Variants in UCHL3 observed in about 807,000 individuals in gnomAD.
UCHL3 encodes the protein ubiquitin carboxyl-terminal hydrolase isozyme L3.
Under a neutral mutation model 35.8 loss-of-function variants are expected in UCHL3, and 22 were observed. The observed-to-expected ratio is 0.61, with a 90% CI of 0.44 to 0.88. The LOEUF (loss-of-function observed/expected upper bound fraction) is 0.88, where lower values mean the gene tolerates loss of function less well. Ranked by LOEUF, UCHL3 falls within the 40% of genes least tolerant of loss-of-function variation. The probability of loss-of-function intolerance (pLI) is 0.00; values close to 1 mark genes in which losing one functional copy is unlikely to be tolerated. For missense variants in UCHL3, 229 were observed against 276.9 expected, an observed-to-expected ratio of 0.83 and a Z score of 1.23; for synonymous variants, 90 against 92.8, an observed-to-expected ratio of 0.97 and a Z score of 0.17.
intron 3 of UCHL3, among the ~76,000 whole-genome samples, chr13:75,562,822 A>G (rs764247200): frequency 6.6e-5 from 10 of 152,212 alleles, no homozygotes; most frequent in South Asian, 2.1e-4. Context: ...TTGTACTTAC[A>G]TAAGTAGAAA....
intron 3 of UCHL3, among the ~76,000 whole-genome samples, chr13:75,565,866 T>G (rs1459811244): frequency 6.6e-6 from 1 of 152,222 alleles, no homozygotes; most frequent in African/African-American, 2.4e-5. Context: ...ATTAAATAAT[T>G]TGCTAAAGTC....
upstream of UCHL3, chr13:75,549,657 G>A (rs2030998074): frequency 1.0e-5 from 7 of 692,462 alleles, no homozygotes; most frequent in Admixed American, 2.4e-4. Context: ...GCCCTGCACG[G>A]AGCGGTTAAG....
At chr13:75,570,217 C>T (rs1267479687) in intron 6 of UCHL3, among the ~76,000 whole-genome samples, 1 of 152,128 alleles carries the variant, frequency 6.6e-6, no homozygotes, top group Non-Finnish European at 1.5e-5. Flanking sequence ...TTTCTTATCC[C>T]ATATGTGACT....
At chr13:75,549,920 C>G (rs1158190782) in intron 1 of UCHL3, 56 bp from the exon 2 acceptor site, 1 of 1,614,034 alleles carries the variant, frequency 6.2e-7, no homozygotes, top group African/African-American at 1.3e-5. Flanking sequence ...AGCCGGCTTG[C>G]TGCCGCGAGT....
intron 2 of UCHL3, among the ~76,000 whole-genome samples, chr13:75,550,581 C>G (rs1442704663): frequency 6.6e-6 from 1 of 151,814 alleles, no homozygotes; most frequent in Admixed American, 6.5e-5. Flanking sequence ...TCTTTGCAAT[C>G]TATAGCAATT....
intron 6 of UCHL3, among the ~76,000 whole-genome samples, chr13:75,590,837 C>A (rs2032461416): frequency 6.6e-6 from 1 of 152,176 alleles, no homozygotes. Flanking sequence ...ATTAAAAATA[C>A]ATTTTTCTTA....
chr13:75,597,416 G>T (rs967874667), intron 7 of UCHL3, among the ~76,000 whole-genome samples: 2 of 152,008 alleles, frequency 1.3e-5, no homozygotes, highest in African/African-American at 4.8e-5. Flanking sequence ...TAAGAAAGAA[G>T]TCATTTCAAA....
chr13:75,551,150 C>T (rs1303264236), intron 2 of UCHL3, among the ~76,000 whole-genome samples: 1 of 152,138 alleles, frequency 6.6e-6, no homozygotes, highest in Admixed American at 6.5e-5. Context: ...GGGGAGACGG[C>T]CAGGCGCGGT....
At chr13:75,582,740 C>T (rs1187524365) in intron 6 of UCHL3, among the ~76,000 whole-genome samples, 3 of 152,166 alleles carry the variant, frequency 2.0e-5, no homozygotes, top group African/African-American at 7.2e-5. Context: ...TATTTGAAAG[C>T]AGAGCTAAAA....
At chr13:75,562,367 C>A (rs999738611) in intron 3 of UCHL3, among the ~76,000 whole-genome samples, 1 of 151,958 alleles carries the variant, frequency 6.6e-6, no homozygotes, top group Non-Finnish European at 1.5e-5. Context: ...TTAGACCAAA[C>A]CCCTACACAA....
At chr13:75,570,005 C>T (rs1593733288) in intron 6 of UCHL3, among the ~76,000 whole-genome samples, 1 of 152,196 alleles carries the variant, frequency 6.6e-6, no homozygotes, top group East Asian at 1.9e-4. Context: ...CTTTCCTTCT[C>T]TTGCCTCTTT....
intron 3 of UCHL3, among the ~76,000 whole-genome samples, chr13:75,564,590 TA>T (rs2031625763): frequency 6.6e-6 from 1 of 152,244 alleles, no homozygotes; most frequent in South Asian, 2.1e-4. Flanking sequence ...ATAATGGCTG[TA>T]CCAATCTGCA....
intron 6 of UCHL3, chr13:75,590,009 T>C (rs1202339660): frequency 7.7e-7 from 1 of 1,304,822 alleles, no homozygotes. Context: ...TGTGTCACCA[T>C]GCATCCCTGC....
At chr13:75,590,032 G>T in intron 6 of UCHL3, 2 of 1,304,682 alleles carry the variant, frequency 1.5e-6, no homozygotes, top group Non-Finnish European at 2.0e-6. Flanking sequence ...TGGGTCAAAC[G>T]TAACCATGTA....
At chr13:75,558,968 A>C (rs944610056) in intron 2 of UCHL3, among the ~76,000 whole-genome samples, 1 of 152,112 alleles carries the variant, frequency 6.6e-6, no homozygotes, top group Non-Finnish European at 1.5e-5. Flanking sequence ...TGAACTATAA[A>C]TAGAACCAAG....
At chr13:75,557,782 A>G (rs1433954780) in intron 2 of UCHL3, among the ~76,000 whole-genome samples, 2 of 152,358 alleles carry the variant, frequency 1.3e-5, no homozygotes, top group East Asian at 3.9e-4. Context: ...ACAGCTACAT[A>G]TAATTATTGT....
intron 5 of UCHL3, among the ~76,000 whole-genome samples, chr13:75,567,936 C>T (rs1486854879): frequency 2.0e-5 from 3 of 152,070 alleles, no homozygotes; most frequent in South Asian, 2.1e-4. Flanking sequence ...TGCCAGTACC[C>T]TGTGTATCTT....
At chr13:75,605,596 T>G (rs1231676088) in intron 8 of UCHL3, 133 bp from the exon 9 acceptor site, 1 of 830,406 alleles carries the variant, frequency 1.2e-6, no homozygotes, top group South Asian at 1.8e-5. Flanking sequence ...TTTTCTGGTG[T>G]TCTTTATTTC....
At chr13:75,566,939 C>A (rs1463030316) in intron 4 of UCHL3, 88 bp downstream of exon 4, 3 of 1,395,344 alleles carry the variant, frequency 2.2e-6, no homozygotes, top group Middle Eastern at 1.9e-4. Context: ...ATTCTTTCTT[C>A]AAACTATAAA....
Sources: allele counts gnomAD v4.1 joint callset (sites outside exome capture counted in the v4.1 genomes callset), GRCh38; gene constraint gnomAD v4.1.1; transcripts MANE v1.5; gene names NCBI Gene and HGNC (gene_info 2026-07-23, HGNC 2026-07-21).